PMPCB: variants seen among roughly 807,000 people sequenced by gnomAD.
PMPCB encodes peptidase, mitochondrial processing subunit beta, also known as mitochondrial-processing peptidase subunit beta.
In PMPCB, 46 loss-of-function variants were observed where a neutral mutation model predicts 61.5. The ratio of observed to expected loss-of-function variants is 0.75; its 90% CI spans 0.59 to 0.96. The LOEUF (loss-of-function observed/expected upper bound fraction) is 0.96, where lower values mean the gene tolerates loss of function less well. PMPCB is among the 40% of genes least tolerant of loss of function. The pLI, the probability that PMPCB is intolerant of heterozygous loss-of-function variation, is 0.00. For synonymous variants in PMPCB, 191 were observed against 201.6 expected (o/e 0.95, Z 0.44); for missense variants, 590 against 602.4 (o/e 0.98, Z 0.22).
At chr7:103,321,308 G>A (rs1818395683) in intron 12 of PMPCB, among the ~76,000 whole-genome samples, 1 of 152,000 alleles carries the variant, frequency 6.6e-6, no homozygotes, top group South Asian at 2.1e-4. Flanking sequence ...CATGAGGTCA[G>A]GAGTTCAAGA....
At chr7:103,311,919 T>G in intron 11 of PMPCB, 23 bp downstream of exon 11, 1 of 1,540,222 alleles carries the variant, frequency 6.5e-7, no homozygotes. Flanking sequence ...GAGTTACTAT[T>G]GGGTCATGTG....
chr7:103,322,010 T>C, intron 12 of PMPCB: 1 of 1,614,006 alleles, frequency 6.2e-7, no homozygotes, highest in Non-Finnish European at 8.5e-7. Flanking sequence ...TTGCCAGCAA[T>C]GCTTGCTGTC....
chr7:103,305,725 A>G (rs1462142191), intron 6 of PMPCB, among the ~76,000 whole-genome samples: 2 of 152,244 alleles, frequency 1.3e-5, no homozygotes, highest in Non-Finnish European at 2.9e-5. Flanking sequence ...AAAACATTAA[A>G]TATCAAACAT....
downstream of PMPCB, among the ~76,000 whole-genome samples, chr7:103,317,661 T>C (rs1818145906): frequency 6.6e-6 from 1 of 152,190 alleles, no homozygotes; most frequent in Non-Finnish European, 1.5e-5. Context: ...TCTTTCTTTC[T>C]TACTTTTGAG....
intron 12 of PMPCB, chr7:103,328,824 C>G: frequency 3.3e-6 from 1 of 302,450 alleles, no homozygotes; most frequent in South Asian, 3.0e-5. Flanking sequence ...CATTTCTCTA[C>G]TGTTGGACAT....
rs776455109 is a variant in PMPCB, at chr7:103,297,668, C to T, written c.99+110C>T. On this transcript the variant is annotated intron_variant, in intron 1 of 12. Transcript: ENST00000249269. ...AACAGTGGGTCGGGCAGGGCCTCCT[C>T]GACCCGGACCCGCCGGGCGCCAGGC... 4.1e-5 allele frequency: 63 copies of T among 1,546,662 alleles called. 1 individual carries two copies. In the South Asian group the frequency reaches 7.1e-4, roughly 17 times the overall value.
At position 103,314,574 on chromosome 7, in the gene PMPCB, G is replaced by A. The variant is rs1311703425; in HGVS notation, c.*2303G>A. Reference sequence around the variant, plus strand: ...GTGCTAATACCTGTTGTATTTTGTGGAGATAAAGGTGCAGGAGAATAAACT... The same window carrying A: ...GTGCTAATACCTGTTGTATTTTGTGAAGATAAAGGTGCAGGAGAATAAACT... On this transcript the variant is annotated 3_prime_UTR_variant, in exon 13 of 13. Coordinates refer to ENST00000249269, the MANE Select transcript of PMPCB (RefSeq NM_004279.3). 5.1e-6 allele frequency: 5 copies of A among 985,164 alleles called. No homozygotes were observed. In the African/African-American group the frequency reaches 8.7e-5, roughly 17 times the overall value. 61.0% of individuals were successfully genotyped at this position (985,164 alleles called of 1,614,324 possible).
rs749093364 is a variant in PMPCB, at chr7:103,307,672, A to C, written c.813A>C (p.Ile271=). ...CTTTATGCACACACAAAGGAGAAAT[A>C]CCAGCTCTGCCTCCCTGCAAATTCA... ...GDSLCTHKGE[I]PALPPCKFTG... Residue 271 remains isoleucine (I), a synonymous_variant, in exon 7 of 13, where the codon ATA becomes ATC. Transcript: ENST00000249269. The C allele has an allele frequency of 1.2e-5, 19 of 1,613,056 alleles. No individual in the cohort carries two copies. Among genetic ancestry groups the C allele is most frequent in the Non-Finnish European group, 1.6e-5 (19 of 1,178,992 alleles).
At chr7:103,333,987 G>A (rs541789639), downstream of PMPCB, among the ~76,000 whole-genome samples, 8 of 144,780 alleles carry the variant, frequency 5.5e-5, no homozygotes, top group Non-Finnish European at 9.0e-5. Context: ...GTCTCGCTCT[G>A]TTGCCCAGGC....
chr7:103,325,995 CA>C (rs1818683789), intron 12 of PMPCB, among the ~76,000 whole-genome samples: 1 of 151,926 alleles, frequency 6.6e-6, no homozygotes, highest in Admixed American at 6.6e-5. Context: ...TCTCTCAAAG[CA>C]AAATTTTTTT....
At chr7:103,319,720 C>T (rs1219784344) in intron 12 of PMPCB, 2 of 1,613,938 alleles carry the variant, frequency 1.2e-6, no homozygotes, top group Admixed American at 3.3e-5. Flanking sequence ...ATCCTAAGCT[C>T]AAGTGAAGAC....
Position 103,297,477 on chromosome 7 carries a change from T to C in PMPCB, c.18T>C (p.Ala6=), listed in dbSNP as rs1371026583. MAAAA[A]RVVLSSAARR... ...TAGCAGAAATGGCGGCTGCGGCGGC[T>C]CGAGTGGTGTTGTCATCCGCGGCGC... Residue 6 remains alanine (A), a synonymous_variant, in exon 1 of 13, where the codon GCT becomes GCC. Coordinates refer to ENST00000249269, the MANE Select transcript of PMPCB (RefSeq NM_004279.3). 3.9e-6 allele frequency: 6 copies of C among 1,548,322 alleles called. No individual in the cohort carries two copies. The highest frequency in any genetic ancestry group is 2.0e-5 in the Admixed American group (1 of 51,002).
At chr7:103,310,673 A>C in intron 9 of PMPCB, 198 bp downstream of exon 9, 1 of 273,502 alleles carries the variant, frequency 3.7e-6, no homozygotes, top group Non-Finnish European at 6.7e-6. Context: ...TATACTATAG[A>C]ATTTTTTTTT....
chr7:103,315,910 A>G (rs1245364777), downstream of PMPCB: 2 of 1,551,316 alleles, frequency 1.3e-6, no homozygotes, highest in Non-Finnish European at 1.8e-6. Context: ...ACAGATCATC[A>G]TTTAATCTTT....
intron 12 of PMPCB, chr7:103,326,819 G>A: frequency 1.2e-6 from 1 of 833,618 alleles, no homozygotes; most frequent in Non-Finnish European, 1.8e-6. Flanking sequence ...AGGTTGGGGA[G>A]GATTTAATTT....
chr7:103,332,041 GTC>G (rs1818996106), downstream of PMPCB, among the ~76,000 whole-genome samples: 1 of 144,010 alleles, frequency 6.9e-6, no homozygotes, highest in Non-Finnish European at 1.5e-5. Flanking sequence ...GTCTTGCTCT[GTC>G]ACCCAGGTTG....
At chr7:103,334,732 A>G in the PMPCB span, among the ~76,000 whole-genome samples, 1 of 152,052 alleles carries the variant, frequency 6.6e-6, no homozygotes, top group African/African-American at 2.4e-5. Flanking sequence ...AACAGGGATG[A>G]GCCACCATGC....
At chr7:103,345,842 A>T in the PMPCB span, among the ~76,000 whole-genome samples, 1,015 of 152,036 alleles carry the variant, frequency 6.7e-3, 11 homozygotes, top group South Asian at 0.018. Flanking sequence ...GAACTAAGGG[A>T]GGCTGAGGTG....
chr7:103,309,109 A>G lies in PMPCB; in HGVS notation c.993+14A>G, dbSNP rs1055785676. Reference sequence around the variant, plus strand: ...GGGGGAGGAATGGTAAGTGATTTTAAAAGAAATTTTCCATAACAGATGGAA... The same window carrying G: ...GGGGGAGGAATGGTAAGTGATTTTAGAAGAAATTTTCCATAACAGATGGAA... On this transcript the variant is annotated intron_variant, in intron 8 of 12. Coordinates refer to ENST00000249269, the MANE Select transcript of PMPCB (RefSeq NM_004279.3). 3.2e-6 allele frequency: 5 copies of G among 1,579,478 alleles called. No homozygotes were observed. Among genetic ancestry groups the G allele is most frequent in the Non-Finnish European group, 4.3e-6 (5 of 1,165,300 alleles).
Sources: gnomAD v4.1 joint callset for allele counts (sites outside exome capture counted in the v4.1 genomes callset) on GRCh38, gnomAD v4.1.1 for gene constraint, MANE v1.5 for transcripts, NCBI Gene and HGNC (gene_info 2026-07-23, HGNC 2026-07-21) for gene names.